Variants in KCNT2 observed in about 807,000 individuals in gnomAD.
The protein encoded by KCNT2 is potassium sodium-activated channel subfamily T member 2.
A neutral mutation model predicts 153.8 loss-of-function variants in KCNT2; 67 were observed. That is an observed-to-expected ratio of 0.44 (90% confidence interval 0.36 to 0.53). KCNT2 has a LOEUF of 0.53. Ranked by LOEUF, KCNT2 falls within the 20% of genes least tolerant of loss-of-function variation. The probability of loss-of-function intolerance (pLI) is 0.00; values close to 1 mark genes in which losing one functional copy is unlikely to be tolerated. For synonymous variants in KCNT2, 500 were observed against 458.8 expected, an observed-to-expected ratio of 1.09 and a Z score of -1.15; for missense variants, 975 against 1,354.8, an observed-to-expected ratio of 0.72 and a Z score of 4.40.
chr1:196,452,922 G>A (rs1322316081), intron 8 of KCNT2, among the ~76,000 whole-genome samples: 4 of 151,882 alleles, frequency 2.6e-5, no homozygotes, highest in Non-Finnish European at 5.9e-5. Flanking sequence ...TAATTAAAAT[G>A]TTAGTCTCAT....
At chr1:196,595,774 T>C (rs1663986528) in intron 1 of KCNT2, among the ~76,000 whole-genome samples, 2 of 151,992 alleles carry the variant, frequency 1.3e-5, no homozygotes, top group Admixed American at 1.3e-4. Context: ...TCTGAGACTT[T>C]AGTACACCCA....
intron 22 of KCNT2, among the ~76,000 whole-genome samples, chr1:196,292,958 T>C (rs1036742568): frequency 6.6e-6 from 1 of 150,576 alleles, no homozygotes; most frequent in Non-Finnish European, 1.5e-5. Flanking sequence ...CACATAAAAG[T>C]CAACAGTGTT....
intron 1 of KCNT2, among the ~76,000 whole-genome samples, chr1:196,564,309 C>A (rs1004178370): frequency 1.3e-5 from 2 of 151,652 alleles, no homozygotes; most frequent in African/African-American, 2.4e-5. Flanking sequence ...AAGTAAAAGA[C>A]CTGTATCTTG....
At chr1:196,448,361 A>G (rs1041321347) in intron 8 of KCNT2, among the ~76,000 whole-genome samples, 2 of 151,572 alleles carry the variant, frequency 1.3e-5, no homozygotes, top group African/African-American at 4.8e-5. Flanking sequence ...TATAAAAAAT[A>G]TATTGTATTA....
At chr1:196,531,618 C>T (rs1026851216) in intron 1 of KCNT2, among the ~76,000 whole-genome samples, 11 of 151,962 alleles carry the variant, frequency 7.2e-5, no homozygotes, top group African/African-American at 2.7e-4. Flanking sequence ...ATCATACAAA[C>T]ACAAATAATT....
chr1:196,446,855 C>T (rs1164474729), intron 8 of KCNT2, among the ~76,000 whole-genome samples: 1 of 151,516 alleles, frequency 6.6e-6, no homozygotes, highest in East Asian at 1.9e-4. Flanking sequence ...TCTACTGTGT[C>T]TTCCTTCCAC....
At chr1:196,252,691 A>C (rs548399446) in intron 26 of KCNT2, among the ~76,000 whole-genome samples, 1 of 151,736 alleles carries the variant, frequency 6.6e-6, no homozygotes, top group African/African-American at 2.4e-5. Context: ...TTTGGTCTAG[A>C]TCCATAATTC....
intron 1 of KCNT2, among the ~76,000 whole-genome samples, chr1:196,526,960 G>T (rs1348530679): frequency 6.6e-6 from 1 of 152,110 alleles, no homozygotes; most frequent in Non-Finnish European, 1.5e-5. Flanking sequence ...ATTACCACCT[G>T]AGCTCCACCT....
rs373216742 is a variant in KCNT2, at chr1:196,357,309, G to A, written c.1404-15081C>T. ...GTTCCCTGAGTTATCCAGAAAGAAT[G>A]TTCAAATAATTTCTCTTTACTTACT... On this transcript the variant is annotated intron_variant, in intron 14 of 27. Coordinates refer to ENST00000294725, the MANE Select transcript of KCNT2 (RefSeq NM_198503.5). Among the ~76,000 whole-genome samples, 22 of 151,942 alleles carry A rather than the reference G, an allele frequency of 1.4e-4. No individual in the cohort carries two copies. The South Asian group carries it at 4.1e-3, about 29-fold the overall frequency.
In KCNT2 at chr1:196,535,004, A is replaced by G. The variant is rs566210902; in HGVS notation, c.96-42663T>C. ...TTTACTTACTTAGCTCCATGTTATC[A>G]AGGTATAATTCTGATTATAATTTCC... On this transcript the variant is annotated intron_variant, in intron 1 of 27. Coordinates refer to ENST00000294725, the MANE Select transcript of KCNT2 (RefSeq NM_198503.5). Among the ~76,000 whole-genome samples, 23 of 152,198 alleles carry G rather than the reference A, an allele frequency of 1.5e-4. 1 individual carries two copies. Among genetic ancestry groups the G allele is most frequent in the Non-Finnish European group, 3.2e-4 (22 of 68,022 alleles).
chr1:196,226,003 A>G lies in KCNT2; in HGVS notation c.*2221T>C, dbSNP rs1238807247. 6.6e-6 allele frequency: 1 copy of G among 152,154 alleles called. No individual in the cohort carries two copies. The highest frequency in any genetic ancestry group is 1.5e-5 in the Non-Finnish European group (1 of 67,958). 9.4% of individuals were successfully genotyped at this position (152,154 alleles called of 1,614,324 possible). ...TTATTCTTTAAATAACAGAAAGACTAATAAATTATCATTATTGTAGCAAGC... is the reference window on the plus strand; with the variant it reads ...TTATTCTTTAAATAACAGAAAGACTGATAAATTATCATTATTGTAGCAAGC... On this transcript the variant is annotated 3_prime_UTR_variant, in exon 28 of 28. Transcript: ENST00000294725.
At chr1:196,298,756 G>C (rs1479683794) in intron 22 of KCNT2, among the ~76,000 whole-genome samples, 1 of 148,350 alleles carries the variant, frequency 6.7e-6, no homozygotes, top group African/African-American at 2.5e-5. Flanking sequence ...GCCCACACCA[G>C]CTTATAGAGG....
chr1:196,444,810 A>G (rs1675548142), intron 8 of KCNT2, among the ~76,000 whole-genome samples: 1 of 151,384 alleles, frequency 6.6e-6, no homozygotes, highest in African/African-American at 2.4e-5. Context: ...CAGTAAATCA[A>G]TATCTACTGA....
intron 1 of KCNT2, among the ~76,000 whole-genome samples, chr1:196,528,298 G>A (rs1654511636): frequency 6.6e-6 from 1 of 152,108 alleles, no homozygotes; most frequent in African/African-American, 2.4e-5. Context: ...AATCTGGGTA[G>A]CCCCAACTAT....
intron 20 of KCNT2, 52 bp from the exon 21 acceptor site, chr1:196,316,078 A>T: frequency 1.9e-6 from 3 of 1,546,184 alleles, no homozygotes; most frequent in South Asian, 2.3e-5. Context: ...TCACAATGTT[A>T]TAATCAGTGC....
At chr1:196,261,880 A>C (rs1657058448) in intron 25 of KCNT2, among the ~76,000 whole-genome samples, 2 of 151,984 alleles carry the variant, frequency 1.3e-5, no homozygotes, top group South Asian at 4.1e-4. Context: ...AATGACGAAA[A>C]TACATTTGCA....
intron 1 of KCNT2, among the ~76,000 whole-genome samples, chr1:196,539,497 GT>G (rs942982599): frequency 7.2e-5 from 11 of 152,046 alleles, no homozygotes; most frequent in African/African-American, 2.7e-4. Context: ...CCCAAATAAT[GT>G]TTTTAACAAT....
intron 14 of KCNT2, among the ~76,000 whole-genome samples, chr1:196,351,302 C>T (rs527788808): frequency 2.0e-5 from 3 of 152,080 alleles, no homozygotes; most frequent in Admixed American, 6.6e-5. Flanking sequence ...GGCAGTATGG[C>T]CATTTTCACG....
At chr1:196,594,619 A>T (rs1260942201) in intron 1 of KCNT2, among the ~76,000 whole-genome samples, 5 of 152,186 alleles carry the variant, frequency 3.3e-5, no homozygotes, top group Non-Finnish European at 2.9e-5. Flanking sequence ...TCAAAAATAT[A>T]AGCATAATTA....
Sources: allele counts gnomAD v4.1 joint callset (sites outside exome capture counted in the v4.1 genomes callset), GRCh38; gene constraint gnomAD v4.1.1; transcripts MANE v1.5; gene names NCBI Gene and HGNC (gene_info 2026-07-23, HGNC 2026-07-21).